The following TACR3 variants were observed in gnomAD, a reference collection of about 807,000 sequenced individuals.
TACR3 encodes neuromedin-K receptor.
In TACR3, 34 loss-of-function variants were observed where a neutral mutation model predicts 35.0. The observed-to-expected ratio is 0.97, with a 90% CI of 0.74 to 1.30. TACR3 has a LOEUF of 1.30. Among genes scored for constraint, TACR3 ranks in the 50% most tolerant of loss-of-function variants. The probability of loss-of-function intolerance (pLI) is 0.00; values close to 1 mark genes in which losing one functional copy is unlikely to be tolerated. For missense variants in TACR3, 558 were observed against 591.7 expected (o/e 0.94, Z 0.59); for synonymous variants, 233 against 221.1 (o/e 1.05, Z -0.48).
chr4:103,707,106 G>T (rs1268704021), intron 1 of TACR3, among the ~76,000 whole-genome samples: 10 of 152,098 alleles, frequency 6.6e-5, no homozygotes, highest in African/African-American at 2.4e-4. Context: ...AAAATACACA[G>T]GAAACCTGCT....
chr4:103,650,634 A>G (rs1303215017), intron 3 of TACR3, among the ~76,000 whole-genome samples: 1 of 99,728 alleles, frequency 1.0e-5, no homozygotes, highest in Non-Finnish European at 1.8e-5. Context: ...ATAAATATAT[A>G]ATATATATTT....
At chr4:103,600,269 G>T (rs1208909292) in intron 3 of TACR3, among the ~76,000 whole-genome samples, 2 of 152,080 alleles carry the variant, frequency 1.3e-5, no homozygotes, top group Non-Finnish European at 2.9e-5. Context: ...TCCTCTGATG[G>T]TAGTTTGTAT....
At chr4:103,606,081 A>T (rs984388794) in intron 3 of TACR3, among the ~76,000 whole-genome samples, 1 of 151,944 alleles carries the variant, frequency 6.6e-6, no homozygotes, top group African/African-American at 2.4e-5. Context: ...TTAAATAGGG[A>T]ATCCTTTCCC....
chr4:103,597,611 C>G (rs28800169), intron 3 of TACR3, among the ~76,000 whole-genome samples: 3 of 151,654 alleles, frequency 2.0e-5, no homozygotes, highest in Admixed American at 6.6e-5. Flanking sequence ...CCCGTCCCCC[C>G]ACCCCACAAG....
rs186441785 is a variant in TACR3, at chr4:103,709,194, C to T, written c.548+9934G>A. Among the ~76,000 whole-genome samples the T allele has an allele frequency of 3.3e-3, 497 of 152,152 alleles. 3 individuals are homozygous for T. The highest frequency in any genetic ancestry group is 0.011 in the African/African-American group (463 of 41,508). ...CTCCTCGAGAAGAGCAACTCCAAGACGCATAATCGTCAGATTCACCAAAGT... is the reference window on the plus strand; with the variant it reads ...CTCCTCGAGAAGAGCAACTCCAAGATGCATAATCGTCAGATTCACCAAAGT... On this transcript the variant is annotated intron_variant, in intron 1 of 4. Coordinates refer to ENST00000304883, the MANE Select transcript of TACR3 (RefSeq NM_001059.3).
At chr4:103,640,373 T>G (rs1725327451) in intron 3 of TACR3, among the ~76,000 whole-genome samples, 1 of 152,040 alleles carries the variant, frequency 6.6e-6, no homozygotes, top group Non-Finnish European at 1.5e-5. Flanking sequence ...AACCTTGTAA[T>G]AAGAATCAAG....
At chr4:103,608,578 A>T (rs11944052) in intron 3 of TACR3, among the ~76,000 whole-genome samples, 2 of 152,118 alleles carry the variant, frequency 1.3e-5, no homozygotes, top group Admixed American at 1.3e-4. Context: ...GGATGTTTTC[A>T]TTGGTTATAA....
chr4:103,700,972 C>T (rs913768982), intron 1 of TACR3, among the ~76,000 whole-genome samples: 1 of 152,106 alleles, frequency 6.6e-6, no homozygotes, highest in Admixed American at 6.5e-5. Context: ...GGAAGCATTC[C>T]CTTTGAAAAC....
At chr4:103,626,877 G>A (rs80211702) in intron 3 of TACR3, among the ~76,000 whole-genome samples, 16,918 of 151,850 alleles carry the variant, frequency 0.11, 971 homozygotes, top group African/African-American at 0.13. Flanking sequence ...CCTATGTATT[G>A]TTTTAATTGT....
Position 103,719,681 on chromosome 4 carries a change from C to T in TACR3, c.-6G>A. 1.2e-6 allele frequency: 2 copies of T among 1,607,974 alleles called. No homozygotes were observed. The highest frequency in any genetic ancestry group is 1.7e-6 in the Non-Finnish European group (2 of 1,179,990). On this transcript the variant is annotated 5_prime_UTR_variant, in exon 1 of 5. The change creates a new upstream start codon in the 5' untranslated region. Transcript: ENST00000304883. Reference sequence around the variant, plus strand: ...GCTGCTGGGAGAGTGGCCATCGCCACCGGTCTGCAGTCCCGGACCCTCCCA... The same window carrying T: ...GCTGCTGGGAGAGTGGCCATCGCCATCGGTCTGCAGTCCCGGACCCTCCCA...
At chr4:103,639,427 A>T (rs1725293879) in intron 3 of TACR3, among the ~76,000 whole-genome samples, 2 of 151,256 alleles carry the variant, frequency 1.3e-5, no homozygotes, top group South Asian at 4.2e-4. Context: ...AACATCACAC[A>T]CCAGGGACTG....
At chr4:103,604,597 C>G (rs1458954719) in intron 3 of TACR3, among the ~76,000 whole-genome samples, 1 of 152,068 alleles carries the variant, frequency 6.6e-6, no homozygotes, top group Non-Finnish European at 1.5e-5. Context: ...CATGAGTGAA[C>G]AGGCAACTTA....
chr4:103,615,202 T>C (rs1724620087), intron 3 of TACR3, among the ~76,000 whole-genome samples: 1 of 152,026 alleles, frequency 6.6e-6, no homozygotes, highest in Admixed American at 6.6e-5. Flanking sequence ...GTCCTATGAA[T>C]GTATTTGTAA....
At chr4:103,596,101 T>C (rs1158384010) in intron 3 of TACR3, among the ~76,000 whole-genome samples, 1 of 149,434 alleles carries the variant, frequency 6.7e-6, no homozygotes, top group Non-Finnish European at 1.5e-5. Context: ...TATGGCTGCA[T>C]AGTATTCCAT....
At chr4:103,623,702 A>T (rs549919751) in intron 3 of TACR3, among the ~76,000 whole-genome samples, 1 of 152,278 alleles carries the variant, frequency 6.6e-6, no homozygotes, top group South Asian at 2.1e-4. Flanking sequence ...AATGTATTAC[A>T]AGTGATCCCT....
intron 1 of TACR3, among the ~76,000 whole-genome samples, chr4:103,707,667 T>C (rs1232945357): frequency 6.6e-6 from 1 of 151,916 alleles, no homozygotes; most frequent in East Asian, 1.9e-4. Context: ...GGACAGTGGG[T>C]GCAGCCCACC....
At chr4:103,635,172 T>G (rs1291734852) in intron 3 of TACR3, among the ~76,000 whole-genome samples, 2 of 151,996 alleles carry the variant, frequency 1.3e-5, no homozygotes, top group Non-Finnish European at 2.9e-5. Context: ...GACATTGTAC[T>G]ATAAGTATGA....
intron 2 of TACR3, among the ~76,000 whole-genome samples, chr4:103,656,978 A>AACAAAACAAAAAAG (rs1725746741): frequency 6.6e-6 from 1 of 152,048 alleles, no homozygotes; most frequent in African/African-American, 2.4e-5. Flanking sequence ...AAACAAAAAA[A>AACAAAACAAAAAAG]CATGTCGACA....
intron 1 of TACR3, among the ~76,000 whole-genome samples, chr4:103,675,153 A>G (rs933854107): frequency 2.6e-5 from 4 of 152,204 alleles, no homozygotes; most frequent in South Asian, 2.1e-4. Flanking sequence ...TATGCATCCA[A>G]TTTCTGACAT....
Sources: allele counts gnomAD v4.1 joint callset (sites outside exome capture counted in the v4.1 genomes callset), GRCh38; gene constraint gnomAD v4.1.1; transcripts MANE v1.5; gene names NCBI Gene and HGNC (gene_info 2026-07-23, HGNC 2026-07-21).